The following COL27A1 variants were observed in gnomAD, a reference collection of about 807,000 sequenced individuals.
The protein encoded by COL27A1 is collagen alpha-1(XXVII) chain.
A neutral mutation model predicts 251.3 loss-of-function variants in COL27A1; 106 were observed. The observed-to-expected ratio is 0.42, with a 90% CI of 0.36 to 0.50. The LOEUF is 0.50. Among genes scored for constraint, COL27A1 ranks in the 20% least tolerant of loss-of-function variants. The pLI is 0.00. For missense variants in COL27A1, 2,325 were observed against 2,522.8 expected, an observed-to-expected ratio of 0.92 and a Z score of 1.68; for synonymous variants, 1,000 against 986.3, an observed-to-expected ratio of 1.01 and a Z score of -0.26.
At chr9:114,209,767 C>T in intron 11 of COL27A1, 39 bp downstream of exon 11, 2 of 1,598,636 alleles carry the variant, frequency 1.3e-6, no homozygotes, top group East Asian at 2.2e-5. Context: ...TCCACAGCCA[C>T]CCCTGCCCAA....
At chr9:114,161,931 T>G (rs1848520703) in intron 1 of COL27A1, among the ~76,000 whole-genome samples, 1 of 152,202 alleles carries the variant, frequency 6.6e-6, no homozygotes, top group African/African-American at 2.4e-5. Context: ...TTGCCATGCA[T>G]GAGCTTATTG....
chr9:114,236,094 T>TACAC (rs367994236), intron 17 of COL27A1, among the ~76,000 whole-genome samples: 2 of 150,334 alleles, frequency 1.3e-5, no homozygotes, highest in African/African-American at 4.9e-5. Flanking sequence ...TGGGCCTCTG[T>TACAC]ACACACACAC....
intron 12 of COL27A1, among the ~76,000 whole-genome samples, chr9:114,219,364 A>C (rs1830928325): frequency 6.6e-6 from 1 of 152,204 alleles, no homozygotes; most frequent in Non-Finnish European, 1.5e-5. Context: ...TGGCTTTTGA[A>C]GAACGTGCCA....
In COL27A1 at chr9:114,309,279, G is replaced by A. The variant is rs766702547; in HGVS notation, c.5237G>A (p.Arg1746Gln). 9.9e-6 allele frequency: 16 copies of A among 1,614,106 alleles called. No individual in the cohort carries two copies. The highest frequency in any genetic ancestry group is 4.4e-5 in the South Asian group (4 of 91,076). The change falls in exon 60 of 61, where the codon CGG (arginine) becomes CAG (glutamine). Residue 1746 changes from arginine (R) to glutamine (Q), a missense_variant. This residue lies in a region of COL27A1 where 327 missense variants were observed against 442.8 expected (regional missense o/e 0.74). Coordinates refer to ENST00000356083, the MANE Select transcript of COL27A1 (RefSeq NM_032888.4). Reference sequence around the variant, plus strand: ...CTATAGGTCGAGTTTGCCATCAGCCGGGTCCAGATGAATTTCCTGCACCTG... The same window carrying A: ...CTATAGGTCGAGTTTGCCATCAGCCAGGTCCAGATGAATTTCCTGCACCTG... ...TASKVEFAIS[R>Q]VQMNFLHLLS...
chr9:114,281,317 TCTTA>T (rs201629285), intron 37 of COL27A1, among the ~76,000 whole-genome samples: 2 of 152,242 alleles, frequency 1.3e-5, no homozygotes, highest in South Asian at 2.1e-4. Context: ...TGTGTCTGTC[TCTTA>T]CTGTCACATT....
At chr9:114,204,264 G>T (rs773251904) in intron 7 of COL27A1, among the ~76,000 whole-genome samples, 2 of 152,164 alleles carry the variant, frequency 1.3e-5, no homozygotes, top group African/African-American at 2.4e-5. Context: ...AGCTCCCTGC[G>T]TAAGAGGGTC....
intron 1 of COL27A1, among the ~76,000 whole-genome samples, chr9:114,160,455 G>A (rs1016697118): frequency 6.6e-6 from 1 of 151,964 alleles, no homozygotes; most frequent in Non-Finnish European, 1.5e-5. Flanking sequence ...GTGCCCGGCC[G>A]TTTTTTAAAG....
intron 12 of COL27A1, among the ~76,000 whole-genome samples, chr9:114,216,786 CAG>C (rs1425762045): frequency 6.6e-6 from 1 of 152,050 alleles, no homozygotes. Flanking sequence ...AAGATGGAGA[CAG>C]GGGTTGACTC....
intron 37 of COL27A1, among the ~76,000 whole-genome samples, chr9:114,280,995 T>C (rs538865002): frequency 6.6e-6 from 1 of 152,336 alleles, no homozygotes; most frequent in African/African-American, 2.4e-5. Context: ...AGATGTTTCC[T>C]TGTTCCTCTA....
chr9:114,281,090 ACCT>A (rs1835871452), intron 37 of COL27A1, among the ~76,000 whole-genome samples: 1 of 152,072 alleles, frequency 6.6e-6, no homozygotes, highest in Non-Finnish European at 1.5e-5. Context: ...ATGGGACATC[ACCT>A]CCTTCATTCT....
chr9:114,205,286 C>T lies in COL27A1; in HGVS notation c.2169+140C>T. The T allele has an allele frequency of 5.7e-6, 4 of 696,246 alleles. No homozygotes were observed. In the East Asian group the frequency reaches 1.1e-4, roughly 19 times the overall value. The allele number at this position is 696,246 out of a possible 1,614,324, so 43.1% of individuals were successfully genotyped here. On this transcript the variant is annotated intron_variant, in intron 8 of 60. Coordinates refer to ENST00000356083, the MANE Select transcript of COL27A1 (RefSeq NM_032888.4). ...TTTGCCTCTCACCCTGCTGGAGCCC[C>T]CAGCCCACTCCAGTCCACCCCACCT...
chr9:114,181,913 G>C (rs1827950693), intron 4 of COL27A1, among the ~76,000 whole-genome samples: 1 of 152,192 alleles, frequency 6.6e-6, no homozygotes, highest in Admixed American at 6.5e-5. Context: ...GTCTCTGGAA[G>C]ACCTTGAAAG....
intron 27 of COL27A1, among the ~76,000 whole-genome samples, chr9:114,256,323 C>T (rs1377382647): frequency 6.6e-6 from 1 of 152,148 alleles, no homozygotes; most frequent in East Asian, 1.9e-4. Context: ...AACCCCGTCT[C>T]TACTAAAAAA....
chr9:114,306,899 G>A (rs929620139), intron 58 of COL27A1: 7 of 572,590 alleles, frequency 1.2e-5, no homozygotes, highest in Non-Finnish European at 2.1e-5. Flanking sequence ...AGAGACAAGA[G>A]CTCTGGCAGA....
chr9:114,179,265 G>A (rs111887317), intron 4 of COL27A1, among the ~76,000 whole-genome samples: 1 of 152,108 alleles, frequency 6.6e-6, no homozygotes, highest in African/African-American at 2.4e-5. Context: ...GTGCTCCCTG[G>A]GCCCAGGGCT....
rs772706694 is a variant in COL27A1, at chr9:114,290,237, T to A, written c.4274T>A (p.Leu1425Gln). Reference protein sequence around the residue: ...GRRGVQGLQGLPGPRGVVGRQ... With the variant: ...GRRGVQGLQGQPGPRGVVGRQ... ...TGTACCCCCCAGGGCCTGCAGGGGC[T>A]GCCAGGGCCCCGGGGCGTGGTGGGG... is the stretch of plus-strand genomic sequence containing the variant. Residue 1425 changes from leucine to glutamine, a missense_variant, in exon 47 of 61, where the codon CTG (leucine) becomes CAG (glutamine). Coordinates refer to ENST00000356083, the MANE Select transcript of COL27A1 (RefSeq NM_032888.4). The surrounding 1 kb of genome is among the most constrained non-coding windows in gnomAD (Gnocchi z 4.6). The A allele has an allele frequency of 4.5e-6, 7 of 1,559,012 alleles. No homozygotes were observed. In the South Asian group the frequency reaches 8.1e-5, roughly 18 times the overall value.
chr9:114,220,483 G>T (rs983623328), intron 13 of COL27A1, among the ~76,000 whole-genome samples: 2 of 152,166 alleles, frequency 1.3e-5, no homozygotes, highest in Non-Finnish European at 2.9e-5. Context: ...TGGCTGCTGC[G>T]TTCATAACCA....
chr9:114,288,901 CTT>C lies in COL27A1; in HGVS notation c.4099-11_4099-10del. ...GGATGGGCCCCCCTCACCTGTCTCTCTTTGGCTTCCAGGGACAGGAGGGTGTG... is the reference window on the plus strand; with the variant it reads ...GGATGGGCCCCCCTCACCTGTCTCTCTGGCTTCCAGGGACAGGAGGGTGTG... On this transcript the variant is annotated splice_polypyrimidine_tract_variant and intron_variant, in intron 43 of 60. Coordinates refer to ENST00000356083, the MANE Select transcript of COL27A1 (RefSeq NM_032888.4). 6.2e-7 allele frequency: 1 copy of C among 1,613,732 alleles called. No homozygotes were observed. The highest frequency in any genetic ancestry group is 1.6e-4 in the Middle Eastern group (1 of 6,062).
intron 7 of COL27A1, among the ~76,000 whole-genome samples, chr9:114,200,249 C>A (rs1829472683): frequency 6.6e-6 from 1 of 152,228 alleles, no homozygotes; most frequent in South Asian, 2.1e-4. Flanking sequence ...TACCCACTGG[C>A]ATCCCTCCTA....
Sources: gnomAD v4.1 joint callset for allele counts (sites outside exome capture counted in the v4.1 genomes callset) on GRCh38, gnomAD v4.1.1 for gene constraint, gnomAD v4.1.1 regional missense constraint, Gnocchi (gnomAD v3.1) non-coding constraint, MANE v1.5 for transcripts, NCBI Gene and HGNC (gene_info 2026-07-23, HGNC 2026-07-21) for gene names.